KIF13B: variants seen among roughly 807,000 people sequenced by gnomAD.
KIF13B encodes the protein kinesin-like protein KIF13B.
KIF13B carries 127 observed loss-of-function variants against 222.0 expected under a neutral mutation model. The observed-to-expected ratio is 0.57, with a 90% confidence interval of 0.50 to 0.66. The LOEUF (loss-of-function observed/expected upper bound fraction) is 0.66, where lower values mean the gene tolerates loss of function less well. Among genes scored for constraint, KIF13B ranks in the 30% least tolerant of loss-of-function variants. The probability of loss-of-function intolerance (pLI) is 0.00; values close to 1 mark genes in which losing one functional copy is unlikely to be tolerated. For synonymous variants in KIF13B, 976 were observed against 919.0 expected (o/e 1.06, Z -1.12); for missense variants, 2,173 against 2,379.0 (o/e 0.91, Z 1.80).
At chr8:29,126,978 G>T (rs1586814624) in intron 25 of KIF13B, 144 bp downstream of exon 25, 2 of 791,406 alleles carry the variant, frequency 2.5e-6, no homozygotes, top group South Asian at 1.9e-5. Context: ...CCATGAAAAT[G>T]CAAGACACAA....
rs7828784 is a variant in KIF13B, at chr8:29,069,342, T to A, written c.*1162A>T. ...GTGGCTGCTGTGAGGGTCTGGAGAC[T>A]AACCAGCACACTCCCTGCACCAGCC... On this transcript the variant is annotated 3_prime_UTR_variant, in exon 40 of 40. Coordinates refer to ENST00000524189, the MANE Select transcript of KIF13B (RefSeq NM_015254.4). The A allele has an allele frequency of 0.037, 5,653 of 152,266 alleles. 360 individuals are homozygous for A. Among genetic ancestry groups the A allele is most frequent in the African/African-American group, 0.13 (5,386 of 41,510 alleles). The allele number at this position is 152,266 out of a possible 1,614,324, so 9.4% of individuals were successfully genotyped here. A position where few individuals can be genotyped will look rare whatever the true frequency, so the allele number is the denominator to read the frequency against.
In KIF13B at chr8:29,071,903, C is replaced by G. The variant is rs1368571483; in HGVS notation, c.4935G>C (p.Pro1645=). 1.1e-5 allele frequency: 16 copies of G among 1,460,638 alleles called. No individual in the cohort carries two copies. Among genetic ancestry groups the G allele is most frequent in the Non-Finnish European group, 1.4e-5 (16 of 1,119,104 alleles). 90.5% of individuals were successfully genotyped at this position (1,460,638 alleles called of 1,614,324 possible). A position where few individuals can be genotyped will look rare whatever the true frequency, so the allele number is the denominator to read the frequency against. The change falls in exon 39 of 40, where the codon CCG becomes CCC. Residue 1645 remains proline (P), a synonymous_variant. Transcript: ENST00000524189. The surrounding 1 kb of genome is among the most constrained non-coding windows in gnomAD (Gnocchi z 4.9). Reference sequence around the variant, plus strand: ...AGGCCCGCACCCTCCGGACGCGGAACGGGGAGCCGGGCGCCGGGGCCTCGA... The same window carrying G: ...AGGCCCGCACCCTCCGGACGCGGAAGGGGGAGCCGGGCGCCGGGGCCTCGA... ...PDLEAPAPGS[P]FRVRRVRASE...
At chr8:29,176,000 C>G in intron 10 of KIF13B, 68 bp downstream of exon 10, 3 of 847,678 alleles carry the variant, frequency 3.5e-6, no homozygotes, top group African/African-American at 1.7e-5. Context: ...GATTAACAGT[C>G]TACTCTTTTT....
In KIF13B at chr8:29,071,766, G is replaced by C. The variant is rs771002478; in HGVS notation, c.5072C>G (p.Ser1691Cys). The C allele has an allele frequency of 4.5e-6, 7 of 1,549,170 alleles. No individual in the cohort carries two copies. In the South Asian group the frequency reaches 7.1e-5, roughly 16 times the overall value. The change falls in exon 39 of 40, where the codon TCC becomes TGC. Residue 1691 changes from serine (S) to cysteine (C), a missense_variant. This residue lies in a region of KIF13B where 693 missense variants were observed against 656.2 expected (regional missense o/e 1.06). Coordinates refer to ENST00000524189, the MANE Select transcript of KIF13B (RefSeq NM_015254.4). The surrounding 1 kb of genome is among the most constrained non-coding windows in gnomAD (Gnocchi z 4.9). ...CTCCGGGACCTCGTCAGCTTCCTCG[G>C]AATCAGAGGCCAGGGCCTGTCCCCC... is the stretch of plus-strand genomic sequence containing the variant. ...GAGGQALASDSEEADEVPEWL... is the reference protein window; with the variant it reads ...GAGGQALASDCEEADEVPEWL...
upstream of KIF13B, chr8:29,263,082 C>T (rs748251009): frequency 3.4e-6 from 5 of 1,449,336 alleles, no homozygotes; most frequent in South Asian, 1.2e-5. Flanking sequence ...CCGCGGCCAC[C>T]GGCGACTCTT....
chr8:29,094,970 TAAA>T (rs34939158), intron 36 of KIF13B, among the ~76,000 whole-genome samples: 14 of 137,792 alleles, frequency 1.0e-4, no homozygotes, highest in Admixed American at 2.9e-4. Context: ...ATAAAAAGAT[TAAA>T]AAAAAAAAAA....
intron 18 of KIF13B, among the ~76,000 whole-genome samples, chr8:29,142,937 C>G (rs1173126291): frequency 1.3e-5 from 2 of 152,128 alleles, no homozygotes; most frequent in African/African-American, 4.8e-5. Context: ...ACTGCAGCCT[C>G]GAACTCCTGG....
chr8:29,092,764 G>C lies in KIF13B; in HGVS notation c.4439C>G (p.Pro1480Arg), dbSNP rs201077981. The change falls in exon 37 of 40, where the codon CCG becomes CGG. Residue 1480 changes from proline (P) to arginine (R), a missense_variant. Transcript: ENST00000524189. ...TTTTACCTGGTGTGCGAGGGGAGACGGCCGCTTGCCCCTCTTCTCATCGCG... is the reference window on the plus strand; with the variant it reads ...TTTTACCTGGTGTGCGAGGGGAGACCGCCGCTTGCCCCTCTTCTCATCGCG... ...PVRDEKRGKR[P>R]SPLAHQPVPR... is the part of the protein sequence containing the mutation. The C allele has an allele frequency of 2.5e-5, 41 of 1,612,608 alleles. No individual in the cohort carries two copies. Among genetic ancestry groups the C allele is most frequent in the Middle Eastern group, 1.7e-4 (1 of 6,060 alleles).
chr8:29,140,019 T>C (rs748610225), intron 21 of KIF13B, 44 bp downstream of exon 21: 29 of 1,516,234 alleles, frequency 1.9e-5, no homozygotes, highest in Non-Finnish European at 2.2e-5. Context: ...AAAACTGCAA[T>C]GACTTTTGTA....
At chr8:29,216,989 C>T (rs1814513754) in intron 2 of KIF13B, among the ~76,000 whole-genome samples, 1 of 152,060 alleles carries the variant, frequency 6.6e-6, no homozygotes. Flanking sequence ...GTCTTAAGTG[C>T]ACTGTAAGTG....
intron 35 of KIF13B, among the ~76,000 whole-genome samples, chr8:29,100,469 C>A (rs1214206275): frequency 1.3e-5 from 2 of 151,810 alleles, no homozygotes; most frequent in African/African-American, 4.8e-5. Flanking sequence ...ATGATTAACT[C>A]GAGGTTTTTT....
At chr8:29,223,951 A>G (rs1814890262) in intron 2 of KIF13B, among the ~76,000 whole-genome samples, 2 of 151,526 alleles carry the variant, frequency 1.3e-5, no homozygotes, top group South Asian at 2.1e-4. Context: ...TCAGCCTCCC[A>G]AAGTGTTGGG....
chr8:29,190,167 G>A (rs1293379838), intron 4 of KIF13B: 1 of 152,190 alleles, frequency 6.6e-6, no homozygotes, highest in Non-Finnish European at 1.5e-5. Flanking sequence ...TCATCTGATT[G>A]TGGGTCAAGA....
intron 29 of KIF13B, among the ~76,000 whole-genome samples, chr8:29,119,308 T>C (rs1190255144): frequency 6.6e-6 from 1 of 152,096 alleles, no homozygotes; most frequent in East Asian, 1.9e-4. Flanking sequence ...TAACACAAAT[T>C]CCGTACCATT....
At chr8:29,119,803 A>C (rs1809772984) in intron 29 of KIF13B, among the ~76,000 whole-genome samples, 1 of 152,060 alleles carries the variant, frequency 6.6e-6, no homozygotes, top group Non-Finnish European at 1.5e-5. Flanking sequence ...GCAAACAGAC[A>C]GTGGCTGTAT....
Position 29,069,052 on chromosome 8 carries a change from C to T in KIF13B, c.*1452G>A, listed in dbSNP as rs1000890649. ...GACTACTCTGTTGGCGCCTTCAAGTCCCTAGAGAACCAGAGCCTTCCGCAG... is the reference window on the plus strand; with the variant it reads ...GACTACTCTGTTGGCGCCTTCAAGTTCCTAGAGAACCAGAGCCTTCCGCAG... On this transcript the variant is annotated 3_prime_UTR_variant, in exon 40 of 40. Coordinates refer to ENST00000524189, the MANE Select transcript of KIF13B (RefSeq NM_015254.4). 1.3e-5 allele frequency: 2 copies of T among 152,254 alleles called. No individual in the cohort carries two copies. The highest frequency in any genetic ancestry group is 2.4e-5 in the African/African-American group (1 of 41,454). The allele number at this position is 152,254 out of a possible 1,614,324, so 9.4% of individuals were successfully genotyped here.
intron 37 of KIF13B, 131 bp from the exon 38 acceptor site, chr8:29,075,474 G>A: frequency 1.4e-6 from 1 of 738,336 alleles, no homozygotes. Flanking sequence ...CGAGTGTGAG[G>A]GGCTCCACAC....
chr8:29,074,428 A>T (rs548984619), intron 38 of KIF13B, among the ~76,000 whole-genome samples: 1 of 152,370 alleles, frequency 6.6e-6, no homozygotes, highest in East Asian at 1.9e-4. Flanking sequence ...TTGTGAGTTG[A>T]AACCCAGATG....
In KIF13B at chr8:29,072,099, T is replaced by C; in HGVS notation, c.4739A>G (p.Asp1580Gly). The change falls in exon 39 of 40, where the codon GAC becomes GGC. Residue 1580 changes from aspartate to glycine, a missense_variant. Coordinates refer to ENST00000524189, the MANE Select transcript of KIF13B (RefSeq NM_015254.4). ...AGCGTCCAGGCCGGGGCCCAGGGCG[T>C]CCGACAGGGTCGCGGTGGAGACGCT... is the stretch of plus-strand genomic sequence containing the variant. Reference protein sequence around the residue: ...SHSVSTATLSDALGPGLDAAA... With the variant: ...SHSVSTATLSGALGPGLDAAA... The C allele has an allele frequency of 7.4e-7, 1 of 1,350,768 alleles. No individual in the cohort carries two copies. The highest frequency in any genetic ancestry group is 2.0e-5 in the South Asian group (1 of 50,938). 83.7% of individuals were successfully genotyped at this position (1,350,768 alleles called of 1,614,324 possible).
Sources: allele counts gnomAD v4.1 joint callset (sites outside exome capture counted in the v4.1 genomes callset), GRCh38; gene constraint gnomAD v4.1.1; regional missense constraint gnomAD v4.1.1; non-coding constraint Gnocchi (gnomAD v3.1); transcripts MANE v1.5; gene names NCBI Gene and HGNC (gene_info 2026-07-23, HGNC 2026-07-21).